Variants in RCSD1 observed in about 807,000 individuals in gnomAD.
RCSD1 encodes the protein RCSD domain containing 1, also known as capZ-interacting protein.
A neutral mutation model predicts 42.5 loss-of-function variants in RCSD1; 26 were observed. The observed-to-expected ratio is 0.61, with a 90% confidence interval of 0.45 to 0.85. The LOEUF (loss-of-function observed/expected upper bound fraction) is 0.85, where lower values mean the gene tolerates loss of function less well. RCSD1 is among the 40% of genes least tolerant of loss of function. The probability of loss-of-function intolerance (pLI) is 0.00; values close to 1 mark genes in which losing one functional copy is unlikely to be tolerated. For synonymous variants in RCSD1, 220 were observed against 212.2 expected, an observed-to-expected ratio of 1.04 and a Z score of -0.32; for missense variants, 571 against 528.3, an observed-to-expected ratio of 1.08 and a Z score of -0.79.
At chr1:167,634,404 T>C (rs1657779806) in intron 1 of RCSD1, among the ~76,000 whole-genome samples, 2 of 151,896 alleles carry the variant, frequency 1.3e-5, no homozygotes, top group Non-Finnish European at 2.9e-5. Flanking sequence ...AAGCAGTGTT[T>C]AGATATGTTG....
At chr1:167,670,380 G>A (rs939163752) in intron 1 of RCSD1, among the ~76,000 whole-genome samples, 2 of 139,560 alleles carry the variant, frequency 1.4e-5, no homozygotes, top group African/African-American at 5.3e-5. Flanking sequence ...AAAACCACTC[G>A]AGCTGTTCAG....
chr1:167,674,400 A>T (rs1468484230), intron 1 of RCSD1, among the ~76,000 whole-genome samples: 1 of 152,178 alleles, frequency 6.6e-6, no homozygotes, highest in Non-Finnish European at 1.5e-5. Context: ...ATTTCCCTCC[A>T]TTGGCCCCTC....
intron 4 of RCSD1, among the ~76,000 whole-genome samples, chr1:167,693,581 G>C (rs918595742): frequency 3.9e-5 from 6 of 152,200 alleles, no homozygotes; most frequent in Non-Finnish European, 5.9e-5. Flanking sequence ...AATCAGACCC[G>C]GTGTGAATCT....
In RCSD1 at chr1:167,697,755, C is replaced by T. The variant is rs768305491; in HGVS notation, c.1131C>T (p.Leu377=). 4.7e-5 allele frequency: 72 copies of T among 1,537,640 alleles called. No homozygotes were observed. The Middle Eastern group carries it at 2.4e-3, about 52-fold the overall frequency. ...GKEKQQEGAV[L]EPGCSPQTGP... is the part of the protein sequence containing the mutation. ...AAAAACAACAGGAGGGGGCAGTGCT[C>T]GAGCCAGGCTGCAGCCCCCAGACCG... Residue 377 remains leucine, a synonymous_variant, in exon 6 of 7, where the codon CTC becomes CTT. Transcript: ENST00000367854.
intron 1 of RCSD1, among the ~76,000 whole-genome samples, chr1:167,644,346 G>T (rs1469370057): frequency 2.6e-5 from 4 of 152,096 alleles, no homozygotes; most frequent in African/African-American, 9.7e-5. Context: ...GGGTGTGGTG[G>T]TGTGCGCCTA....
At position 167,630,322 on chromosome 1, in the gene RCSD1, G is replaced by A. The variant is rs1657662720; in HGVS notation, c.-102G>A. 4.0e-6 allele frequency: 5 copies of A among 1,263,636 alleles called. No homozygotes were observed. The allele number at this position is 1,263,636 out of a possible 1,614,324, so 78.3% of individuals were successfully genotyped here. Reference sequence around the variant, plus strand: ...GCCCACTCGCCCTGTGCCCGCCGCAGCCCGAAACTGGCCACGGCCGGGAGC... The same window carrying A: ...GCCCACTCGCCCTGTGCCCGCCGCAACCCGAAACTGGCCACGGCCGGGAGC... On this transcript the variant is annotated 5_prime_UTR_variant, in exon 1 of 7. Transcript: ENST00000367854.
intron 1 of RCSD1, 57 bp downstream of exon 1, chr1:167,630,486 C>A: frequency 2.0e-6 from 3 of 1,485,330 alleles, no homozygotes; most frequent in Non-Finnish European, 2.7e-6. Context: ...ATCGGGCGCC[C>A]CTTCCCCGGG....
At chr1:167,647,138 A>AAAAAAAAAG (rs1173854956) in intron 1 of RCSD1, among the ~76,000 whole-genome samples, 51 of 151,208 alleles carry the variant, frequency 3.4e-4, no homozygotes, top group African/African-American at 1.2e-3. Flanking sequence ...CTCAAAAAAA[A>AAAAAAAAAG]AGAGAGAGAG....
At chr1:167,689,969 C>A in intron 3 of RCSD1, 80 bp from the exon 4 acceptor site, 1 of 1,340,696 alleles carries the variant, frequency 7.5e-7, no homozygotes, top group South Asian at 1.2e-5. Context: ...TCTCCTTCTG[C>A]CTGTGGCTTT....
At position 167,630,402 on chromosome 1, in the gene RCSD1, G is replaced by A. The variant is rs377274898; in HGVS notation, c.-22G>A. 1.2e-3 allele frequency: 1,806 copies of A among 1,519,408 alleles called. 3 individuals carry two copies. The highest frequency in any genetic ancestry group is 1.4e-3 in the Non-Finnish European group (1,589 of 1,129,994). The allele number at this position is 1,519,408 out of a possible 1,614,324, so 94.1% of individuals were successfully genotyped here. A position where few individuals can be genotyped will look rare whatever the true frequency, so the allele number is the denominator to read the frequency against. ...GCCCGGGCGAGCGGGTGCGTCTGCC[G>A]CAGAGTCGGCACCTGAAGGACATGG... On this transcript the variant is annotated 5_prime_UTR_variant, in exon 1 of 7. Transcript: ENST00000367854.
intron 1 of RCSD1, among the ~76,000 whole-genome samples, chr1:167,642,871 A>T (rs181242321): frequency 1.3e-5 from 2 of 152,334 alleles, no homozygotes; most frequent in Admixed American, 1.3e-4. Flanking sequence ...TCGGCCTGTG[A>T]GTAACATTGG....
intron 1 of RCSD1, among the ~76,000 whole-genome samples, chr1:167,673,388 A>G (rs1206051187): frequency 3.3e-5 from 5 of 152,218 alleles, no homozygotes; most frequent in Non-Finnish European, 7.3e-5. Flanking sequence ...GGCTTAAGAA[A>G]TGAAGTCCAC....
chr1:167,654,209 G>A (rs1460388728), intron 1 of RCSD1, among the ~76,000 whole-genome samples: 4 of 152,188 alleles, frequency 2.6e-5, no homozygotes, highest in Non-Finnish European at 5.9e-5. Context: ...ACACAAAGTG[G>A]CTCCCAAATG....
intron 1 of RCSD1, among the ~76,000 whole-genome samples, chr1:167,668,946 A>G (rs1350972488): frequency 6.6e-6 from 1 of 152,214 alleles, no homozygotes; most frequent in Non-Finnish European, 1.5e-5. Flanking sequence ...GTGTTTTGCA[A>G]ATGTAGTTAA....
chr1:167,692,817 C>T (rs1009059684), intron 4 of RCSD1, among the ~76,000 whole-genome samples: 1 of 152,308 alleles, frequency 6.6e-6, no homozygotes, highest in East Asian at 1.9e-4. Flanking sequence ...GTGTGCAATG[C>T]TTTCAAGTCT....
intron 1 of RCSD1, among the ~76,000 whole-genome samples, chr1:167,669,380 G>A (rs12133243): frequency 6.6e-6 from 1 of 152,240 alleles, no homozygotes; most frequent in East Asian, 1.9e-4. Context: ...GCCCTAGGCT[G>A]TAGTCTGGGC....
chr1:167,661,168 C>T lies in RCSD1; in HGVS notation c.7-22732C>T, dbSNP rs189474130. On this transcript the variant is annotated intron_variant, in intron 1 of 6. Coordinates refer to ENST00000367854, the MANE Select transcript of RCSD1 (RefSeq NM_052862.4). ...TGGTTTATAAGGCACTTACCATACACATTGTGACTTATCTTCATTATAATC... is the reference window on the plus strand; with the variant it reads ...TGGTTTATAAGGCACTTACCATACATATTGTGACTTATCTTCATTATAATC... 3.3e-4 allele frequency among the ~76,000 whole-genome samples: 50 copies of T among 152,358 alleles called. No individual in the cohort carries two copies. In the East Asian group the frequency reaches 9.2e-3, roughly 28 times the overall value.
chr1:167,631,452 C>G (rs1192169489), intron 1 of RCSD1, among the ~76,000 whole-genome samples: 1 of 152,204 alleles, frequency 6.6e-6, no homozygotes, highest in Non-Finnish European at 1.5e-5. Context: ...ATCTCTTCCC[C>G]GCTCCAGGCT....
intron 1 of RCSD1, among the ~76,000 whole-genome samples, chr1:167,681,197 C>T (rs1659074524): frequency 1.3e-5 from 2 of 152,230 alleles, no homozygotes; most frequent in Admixed American, 1.3e-4. Flanking sequence ...ACAAATGATG[C>T]TACTTAACTG....
Sources: allele counts gnomAD v4.1 joint callset (sites outside exome capture counted in the v4.1 genomes callset), GRCh38; gene constraint gnomAD v4.1.1; transcripts MANE v1.5; gene names NCBI Gene and HGNC (gene_info 2026-07-23, HGNC 2026-07-21).